ARV1: variants seen among roughly 807,000 people sequenced by gnomAD.
ARV1 encodes the protein ARV1 fatty acid homeostasis modulator.
Under a neutral mutation model 31.1 loss-of-function variants are expected in ARV1, and 26 were observed. The ratio of observed to expected loss-of-function variants is 0.84; its 90% CI spans 0.61 to 1.16. The LOEUF is 1.16. ARV1 is among the 50% of genes most tolerant of loss of function. The probability of loss-of-function intolerance (pLI) is 0.00; values close to 1 mark genes in which losing one functional copy is unlikely to be tolerated. For synonymous variants in ARV1, 117 were observed against 123.2 expected (o/e 0.95, Z 0.34); for missense variants, 281 against 324.9 (o/e 0.86, Z 1.04).
chr1:230,993,176 G>A (rs1679277870), intron 3 of ARV1, among the ~76,000 whole-genome samples: 1 of 152,030 alleles, frequency 6.6e-6, no homozygotes, highest in Non-Finnish European at 1.5e-5. Context: ...CTGCAGCCTG[G>A]AGCTCCTGGG....
At chr1:230,994,971 C>T (rs1679321255) in intron 3 of ARV1, among the ~76,000 whole-genome samples, 1 of 152,166 alleles carries the variant, frequency 6.6e-6, no homozygotes, top group Non-Finnish European at 1.5e-5. Flanking sequence ...AAACCTGATT[C>T]TGCAGAAACC....
intron 3 of ARV1, among the ~76,000 whole-genome samples, chr1:230,993,213 C>G (rs1679278859): frequency 6.6e-6 from 1 of 152,014 alleles, no homozygotes; most frequent in South Asian, 2.1e-4. Context: ...GCCTCCGTCT[C>G]CTGAGTAGCT....
rs755971714 is a variant in ARV1, at chr1:230,997,163, T to G, written c.716T>G (p.Leu239Trp). ...CGTAAGCTCTCCTTCTTGGCCGTGT[T>G]GAGTGGCTTACTGCTGGAAAGCATC... The part of the protein sequence containing the change: ...INRKLSFLAV[L>W]SGLLLESIMV... Residue 239 changes from leucine to tryptophan, a missense_variant, in exon 5 of 6, where the codon TTG becomes TGG. Physicochemically the swap from Leu to Trp is moderately conservative, Grantham distance 61. Transcript: ENST00000310256. The G allele has an allele frequency of 8.1e-6, 13 of 1,614,052 alleles. No individual in the cohort carries two copies. The Middle Eastern group carries it at 4.9e-4, about 61-fold the overall frequency.
intron 3 of ARV1, among the ~76,000 whole-genome samples, chr1:230,992,577 G>A (rs1679258972): frequency 6.6e-6 from 1 of 152,316 alleles, no homozygotes; most frequent in Non-Finnish European, 1.5e-5. Flanking sequence ...AGTCACGGTT[G>A]TAGCTCAAGC....
At chr1:230,996,121 C>T in intron 4 of ARV1, 137 bp downstream of exon 4, 4 of 658,556 alleles carry the variant, frequency 6.1e-6, no homozygotes, top group Non-Finnish European at 1.0e-5. Context: ...CCTAACACTT[C>T]TATAGCACCT....
At chr1:230,984,363 C>CGCGCGTGCGTGTGT (rs1191353620) in intron 1 of ARV1, among the ~76,000 whole-genome samples, 6 of 129,840 alleles carry the variant, frequency 4.6e-5, no homozygotes, top group African/African-American at 1.7e-4. Context: ...TGTGTGTGTG[C>CGCGCGTGCGTGTGT]GTGTGTGTGT....
intron 5 of ARV1, among the ~76,000 whole-genome samples, chr1:230,998,028 TC>T (rs1365800729): frequency 6.6e-6 from 1 of 152,208 alleles, no homozygotes; most frequent in Non-Finnish European, 1.5e-5. Context: ...TCCTTAAGCT[TC>T]CCTCTTCACG....
At chr1:230,991,871 G>A (rs1172412787) in intron 3 of ARV1, among the ~76,000 whole-genome samples, 3 of 151,820 alleles carry the variant, frequency 2.0e-5, no homozygotes, top group Admixed American at 6.6e-5. Flanking sequence ...CTCGTGATCC[G>A]TCCGCCTCTG....
intron 1 of ARV1, among the ~76,000 whole-genome samples, chr1:230,984,399 T>A (rs1679003308): frequency 6.6e-6 from 1 of 150,404 alleles, no homozygotes; most frequent in Admixed American, 6.6e-5. Context: ...TGTGTGTGTG[T>A]GTAGTTTTCC....
intron 1 of ARV1, 85 bp downstream of exon 1, chr1:230,979,364 A>C (rs1358049897): frequency 6.8e-7 from 1 of 1,478,994 alleles, no homozygotes; most frequent in Non-Finnish European, 9.3e-7. Context: ...CCTCTGATAC[A>C]GTCTTTAGTT....
Position 230,986,093 on chromosome 1 carries a change from AT to A in ARV1, c.175-2217del, listed in dbSNP as rs113086083. Among the ~76,000 whole-genome samples, 18 of 147,960 alleles carry A rather than the reference AT, an allele frequency of 1.2e-4. No homozygotes were observed. The East Asian group carries it at 2.2e-3, about 18-fold the overall frequency. On this transcript the variant is annotated intron_variant, in intron 1 of 5. Coordinates refer to ENST00000310256, the MANE Select transcript of ARV1 (RefSeq NM_022786.3). ...CACCACGCCCTCCTAATCTTTTTGTATTTTTTTTTTAGTAGAGATGGGGTTT... is the reference window on the plus strand; with the variant it reads ...CACCACGCCCTCCTAATCTTTTTGTATTTTTTTTTAGTAGAGATGGGGTTT...
At chr1:230,986,212 C>T (rs1336241166) in intron 1 of ARV1, among the ~76,000 whole-genome samples, 1 of 152,112 alleles carries the variant, frequency 6.6e-6, no homozygotes, top group East Asian at 1.9e-4. Flanking sequence ...CATGAGCCAC[C>T]ATGCCTGGCC....
intron 1 of ARV1, among the ~76,000 whole-genome samples, chr1:230,986,158 GT>G (rs1488198761): frequency 1.3e-5 from 2 of 151,796 alleles, no homozygotes; most frequent in East Asian, 3.9e-4. Context: ...TCCTGACCTC[GT>G]GATCCACCTG....
At chr1:230,988,282 A>C (rs1369947595) in intron 1 of ARV1, 38 bp from the exon 2 acceptor site, 1 of 1,557,222 alleles carries the variant, frequency 6.4e-7, no homozygotes, top group East Asian at 2.3e-5. Context: ...CAGAAAGTAT[A>C]CATTTGCTTG....
At chr1:230,984,359 T>TGTGTGTGTGC (rs71179756) in intron 1 of ARV1, among the ~76,000 whole-genome samples, 28 of 93,514 alleles carry the variant, frequency 3.0e-4, no homozygotes, top group East Asian at 5.2e-4. Context: ...TGTGTGTGTG[T>TGTGTGTGTGC]GTGCGTGTGT....
At chr1:230,989,984 C>A in intron 2 of ARV1, 126 bp from the exon 3 acceptor site, 1 of 915,346 alleles carries the variant, frequency 1.1e-6, no homozygotes, top group South Asian at 1.9e-5. Context: ...TACAATTAGC[C>A]ACTTAATTGG....
chr1:230,984,365 T>TGTGC (rs1553303958), intron 1 of ARV1, among the ~76,000 whole-genome samples: 751 of 71,342 alleles, frequency 0.011, 1 homozygote, highest in African/African-American at 0.023. Flanking sequence ...TGTGTGTGCG[T>TGTGC]GTGTGTGTGT....
At chr1:230,987,191 C>T (rs978807173) in intron 1 of ARV1, among the ~76,000 whole-genome samples, 13 of 152,098 alleles carry the variant, frequency 8.5e-5, no homozygotes, top group Admixed American at 7.9e-4. Context: ...GACTAACAGG[C>T]GGGGAGCATC....
In ARV1 at chr1:230,979,319, G is replaced by C. The variant is rs758389306; in HGVS notation, c.174+40G>C. 5.6e-6 allele frequency: 9 copies of C among 1,608,750 alleles called. No individual in the cohort carries two copies. The Admixed American group carries it at 1.5e-4, about 27-fold the overall frequency. ...GTGGGGTGCCCTTGAGAAGAAAATGGCGCGGCGGGATTTGGGGACCGCGAG... is the reference window on the plus strand; with the variant it reads ...GTGGGGTGCCCTTGAGAAGAAAATGCCGCGGCGGGATTTGGGGACCGCGAG... On this transcript the variant is annotated intron_variant, in intron 1 of 5. Transcript: ENST00000310256.
Sources: allele counts gnomAD v4.1 joint callset (sites outside exome capture counted in the v4.1 genomes callset), GRCh38; gene constraint gnomAD v4.1.1; transcripts MANE v1.5; gene names NCBI Gene and HGNC (gene_info 2026-07-23, HGNC 2026-07-21).